Variants in FARP2 observed in about 807,000 individuals in gnomAD.
The protein encoded by FARP2 is FERM, ARHGEF and pleckstrin domain-containing protein 2.
FARP2 carries 111 observed loss-of-function variants against 130.5 expected under a neutral mutation model. The ratio of observed to expected loss-of-function variants is 0.85; its 90% CI spans 0.73 to 1.00. The LOEUF (loss-of-function observed/expected upper bound fraction) is 1.00. Among genes scored for constraint, FARP2 ranks in the 50% least tolerant of loss-of-function variants. The pLI, the probability that FARP2 is intolerant of heterozygous loss-of-function variation, is 0.00. For synonymous variants in FARP2, 504 were observed against 516.9 expected (o/e 0.98, Z 0.34); for missense variants, 1,385 against 1,346.3 (o/e 1.03, Z -0.45).
At chr2:241,410,044 G>T (rs895238633) in intron 5 of FARP2, among the ~76,000 whole-genome samples, 1 of 152,154 alleles carries the variant, frequency 6.6e-6, no homozygotes, top group African/African-American at 2.4e-5. Flanking sequence ...GGGACAGGGG[G>T]TTGGTCTTGC....
At chr2:241,394,457 G>A (rs2061981506) in intron 2 of FARP2, among the ~76,000 whole-genome samples, 1 of 150,876 alleles carries the variant, frequency 6.6e-6, no homozygotes, top group Non-Finnish European at 1.5e-5. Flanking sequence ...GGCGGAGCTT[G>A]TAGTGAGCCG....
At chr2:241,359,126 G>A (rs545726970) in intron 1 of FARP2, among the ~76,000 whole-genome samples, 3 of 152,312 alleles carry the variant, frequency 2.0e-5, no homozygotes, top group South Asian at 4.1e-4. Flanking sequence ...GAAATGGTGT[G>A]TACACAGCAA....
chr2:241,451,951 C>CA (rs2063670052), intron 13 of FARP2, among the ~76,000 whole-genome samples: 1 of 152,186 alleles, frequency 6.6e-6, no homozygotes, highest in South Asian at 2.1e-4. Context: ...GATGGGGTTT[C>CA]ACCATGCTGG....
chr2:241,361,299 G>A (rs1160153321), intron 1 of FARP2, among the ~76,000 whole-genome samples: 1 of 152,174 alleles, frequency 6.6e-6, no homozygotes, highest in Non-Finnish European at 1.5e-5. Context: ...CCAGCACAGT[G>A]GGTGATAGTA....
intron 23 of FARP2, 150 bp from the exon 24 acceptor site, chr2:241,491,366 A>G (rs980494041): frequency 2.2e-6 from 2 of 889,136 alleles, no homozygotes; most frequent in Admixed American, 4.5e-5. Context: ...TGGCAGAAGC[A>G]CCTGTAGTTT....
At chr2:241,402,876 ATATATTTTT>A (rs2062226483) in intron 2 of FARP2, among the ~76,000 whole-genome samples, 2 of 10,454 alleles carry the variant, frequency 1.9e-4, no homozygotes, top group Admixed American at 8.2e-4. Flanking sequence ...ATATATATAT[ATATATTTTT>A]TTTTTTTTTT....
At chr2:241,374,219 C>T (rs1370119022) in intron 2 of FARP2, among the ~76,000 whole-genome samples, 2 of 152,006 alleles carry the variant, frequency 1.3e-5, no homozygotes, top group African/African-American at 4.8e-5. Context: ...GCCATGTTGC[C>T]CAGGCTGGCC....
intron 1 of FARP2, among the ~76,000 whole-genome samples, chr2:241,370,237 T>A (rs548908677): frequency 1.3e-3 from 204 of 152,302 alleles, no homozygotes; most frequent in Non-Finnish European, 2.2e-3. Flanking sequence ...ATATCCCAAA[T>A]ACCCTAATTT....
chr2:241,445,946 G>A (rs556183285), intron 13 of FARP2: 1 of 152,356 alleles, frequency 6.6e-6, no homozygotes, highest in East Asian at 1.9e-4. Context: ...TCCTGCAGCA[G>A]TCCCCGTCAA....
rs1375253118 is a variant in FARP2, at chr2:241,451,917, G to A, written c.1412-4830G>A. Among the ~76,000 whole-genome samples, 5 of 152,212 alleles carry A rather than the reference G, an allele frequency of 3.3e-5. No individual in the cohort carries two copies. The East Asian group carries it at 9.7e-4, about 29-fold the overall frequency. ...TTACAGGCATGCACAACCACACCCG[G>A]CAAATTTTTGTATTTTTAGTAGAGA... On this transcript the variant is annotated intron_variant, in intron 13 of 26. Coordinates refer to ENST00000264042, the MANE Select transcript of FARP2 (RefSeq NM_014808.4).
chr2:241,471,902 G>GTGTTCTGTGGGGAACCTC (rs2064320715), intron 18 of FARP2, among the ~76,000 whole-genome samples: 6 of 83,102 alleles, frequency 7.2e-5, no homozygotes, highest in Non-Finnish European at 1.3e-4. Flanking sequence ...AGAGGACCAT[G>GTGTTCTGTGGGGAACCTC]TTCTGTGGGG....
intron 4 of FARP2, 49 bp downstream of exon 4, chr2:241,404,890 G>T (rs371412904): frequency 7.2e-6 from 10 of 1,395,514 alleles, no homozygotes; most frequent in African/African-American, 1.4e-5. Flanking sequence ...AAGATGTGTT[G>T]TCCTGGAATG....
In FARP2 at chr2:241,491,694, G is replaced by A; in HGVS notation, c.2787+15G>A. The stretch of plus-strand genomic sequence containing the variant: ...CAGCTGTCGAGGTACGACCGCATGA[G>A]CACCACCTCAGTGCATCTGGAATGT... On this transcript the variant is annotated intron_variant, in intron 24 of 26. Coordinates refer to ENST00000264042, the MANE Select transcript of FARP2 (RefSeq NM_014808.4). 5 of 1,578,714 alleles carry A rather than the reference G, an allele frequency of 3.2e-6. No homozygotes were observed. The highest frequency in any genetic ancestry group is 4.3e-6 in the Non-Finnish European group (5 of 1,159,766).
chr2:241,446,193 T>C (rs1302907730), intron 13 of FARP2: 1 of 152,190 alleles, frequency 6.6e-6, no homozygotes, highest in African/African-American at 2.4e-5. Context: ...GCTATGTAAT[T>C]TTTCAAATCA....
intron 23 of FARP2, 135 bp downstream of exon 23, chr2:241,491,314 ACGCCTCATGC>A (rs1251811300): frequency 1.2e-6 from 1 of 856,726 alleles, no homozygotes; most frequent in Non-Finnish European, 1.9e-6. Context: ...GTTCCAGGCT[ACGCCTCATGC>A]CTGGGCGGGA....
intron 18 of FARP2, among the ~76,000 whole-genome samples, chr2:241,473,390 A>G (rs2064369210): frequency 6.7e-6 from 1 of 148,576 alleles, no homozygotes; most frequent in African/African-American, 2.5e-5. Context: ...ATGTTCTGAG[A>G]GGGACCCTTT....
chr2:241,435,108 AAG>A, intron 11 of FARP2, 78 bp downstream of exon 11: 3 of 804,546 alleles, frequency 3.7e-6, no homozygotes, highest in Middle Eastern at 3.7e-4. Flanking sequence ...AGAGAGCGAA[AAG>A]AGAGACTGAG....
chr2:241,433,186 C>T (rs2063135886), intron 9 of FARP2, among the ~76,000 whole-genome samples: 1 of 151,932 alleles, frequency 6.6e-6, no homozygotes, highest in African/African-American at 2.4e-5. Flanking sequence ...TTCACCAAAG[C>T]AGCTATTAAC....
At chr2:241,437,674 T>TTTA (rs1373609619) in intron 12 of FARP2, among the ~76,000 whole-genome samples, 34 of 136,254 alleles carry the variant, frequency 2.5e-4, no homozygotes, top group African/African-American at 6.6e-4. Context: ...TTATTTATTT[T>TTTA]TTTTTTTTGA....
Sources: gnomAD v4.1 joint callset for allele counts (sites outside exome capture counted in the v4.1 genomes callset) on GRCh38, gnomAD v4.1.1 for gene constraint, MANE v1.5 for transcripts, NCBI Gene and HGNC (gene_info 2026-07-23, HGNC 2026-07-21) for gene names.